NOS1: variants seen among roughly 807,000 people sequenced by gnomAD.
NOS1 encodes the protein nitric oxide synthase 1, also known as NOS type I.
NOS1 carries 51 observed loss-of-function variants against 164.5 expected under a neutral mutation model. The observed-to-expected ratio is 0.31, with a 90% CI of 0.25 to 0.39. The LOEUF (loss-of-function observed/expected upper bound fraction) is 0.39. NOS1 is among the 10% of genes least tolerant of loss of function. NOS1 has a pLI of 1.00. For missense variants in NOS1, 1,362 were observed against 1,885.6 expected, an observed-to-expected ratio of 0.72 and a Z score of 5.14; for synonymous variants, 719 against 745.8, an observed-to-expected ratio of 0.96 and a Z score of 0.59.
At chr12:117,344,320 A>G (rs1343719118) in intron 1 of NOS1, among the ~76,000 whole-genome samples, 1 of 152,264 alleles carries the variant, frequency 6.6e-6, no homozygotes, top group Non-Finnish European at 1.5e-5. Flanking sequence ...AACTATTCAC[A>G]CTGAGTACTT....
chr12:117,232,493 C>T (rs9658490), intron 21 of NOS1, among the ~76,000 whole-genome samples: 1 of 152,154 alleles, frequency 6.6e-6, no homozygotes, highest in South Asian at 2.1e-4. Flanking sequence ...CCTCTCACCC[C>T]CTGAATGGGA....
chr12:117,278,092 T>G lies in NOS1; in HGVS notation c.1531A>C (p.Ile511Leu). The change falls in exon 9 of 29, where the codon ATA becomes CTA. Residue 511 changes from isoleucine (I) to leucine (L), a missense_variant. Ile to Leu is a conservative substitution (Grantham distance 5). Transcript: ENST00000317775. ...CTAGGCGGTTTCCAGCCCTGCTGTA[T>G]GCATATCTGCAAGCAGACCCGGCCA... ...PANVQFTEIC[I>L]QQGWKPPRGR... is the part of the protein sequence containing the mutation. 1 of 1,612,304 alleles carries G rather than the reference T, an allele frequency of 6.2e-7. No homozygotes were observed. Among genetic ancestry groups the G allele is most frequent in the Non-Finnish European group, 8.5e-7 (1 of 1,179,002 alleles).
At chr12:117,264,021 A>C in intron 12 of NOS1, 47 bp from the exon 13 acceptor site, 1 of 1,493,886 alleles carries the variant, frequency 6.7e-7, no homozygotes. Flanking sequence ...CAGTGAGGGC[A>C]TCTGGTTCCT....
intron 3 of NOS1, among the ~76,000 whole-genome samples, chr12:117,305,790 C>CT (rs1298358667): frequency 0.037 from 5,228 of 139,422 alleles, 147 homozygotes; most frequent in East Asian, 0.16. Context: ...AGGCCCGTGA[C>CT]TTTTTTTTTT....
At chr12:117,299,635 C>T (rs1219660676) in intron 3 of NOS1, among the ~76,000 whole-genome samples, 1 of 89,300 alleles carries the variant, frequency 1.1e-5, no homozygotes, top group Non-Finnish European at 2.2e-5. Context: ...ACTTTGTCTC[C>T]AAAAAAAAAA....
At chr12:117,315,326 C>A (rs1874622670) in intron 2 of NOS1, among the ~76,000 whole-genome samples, 1 of 152,086 alleles carries the variant, frequency 6.6e-6, no homozygotes, top group Admixed American at 6.5e-5. Context: ...GCCTCAGCCT[C>A]CCTAGTAGCT....
intron 3 of NOS1, among the ~76,000 whole-genome samples, chr12:117,299,642 AAAAAAAAG>A (rs1292465673): frequency 6.9e-6 from 1 of 144,714 alleles, no homozygotes; most frequent in Non-Finnish European, 1.5e-5. Context: ...CTCCAAAAAA[AAAAAAAAG>A]AAAAAAAGAA....
intron 1 of NOS1, among the ~76,000 whole-genome samples, chr12:117,346,845 C>T (rs1421250938): frequency 6.6e-6 from 1 of 152,136 alleles, no homozygotes; most frequent in Non-Finnish European, 1.5e-5. Flanking sequence ...CTGTTCTGCA[C>T]AAAAAATGCT....
rs1869572752 is a variant in NOS1, at chr12:117,234,902, C to T, written c.3042-144G>A. On this transcript the variant is annotated intron_variant, in intron 20 of 28. Coordinates refer to ENST00000317775, the MANE Select transcript of NOS1 (RefSeq NM_000620.5). This position sits in a 1 kb window ranked among gnomAD's most constrained non-coding sequence, Gnocchi z 4.3. The stretch of plus-strand genomic sequence containing the variant: ...GTGCTAACCAAGCCTATGCCCCCAT[C>T]ATTCTATTATTATTATTATTATTAT... 2 of 512,886 alleles carry T rather than the reference C, an allele frequency of 3.9e-6. No homozygotes were observed. The highest frequency in any genetic ancestry group is 6.5e-6 in the Non-Finnish European group (2 of 305,968). The allele number at this position is 512,886 out of a possible 1,614,324, so 31.8% of individuals were successfully genotyped here.
At chr12:117,332,174 T>C (rs1027724031) in intron 1 of NOS1, among the ~76,000 whole-genome samples, 1 of 152,174 alleles carries the variant, frequency 6.6e-6, no homozygotes, top group Non-Finnish European at 1.5e-5. Context: ...ATAGGAACAT[T>C]GTAGGCACTC....
chr12:117,291,861 C>G (rs16947426), intron 3 of NOS1, among the ~76,000 whole-genome samples: 7,054 of 152,044 alleles, frequency 0.046, 543 homozygotes, highest in African/African-American at 0.16. Flanking sequence ...CTTGGATGCT[C>G]CTGGGTTATT....
In NOS1 at chr12:117,221,130, T is replaced by TTTTATTTATTTATTTATTTA. The variant is rs200373619; in HGVS notation, c.3976-881_3976-862dup. 4.5e-4 allele frequency among the ~76,000 whole-genome samples: 66 copies of TTTTATTTATTTATTTATTTA among 146,114 alleles called. 1 individual carries two copies. The highest frequency in any genetic ancestry group is 1.2e-3 in the African/African-American group (49 of 39,216). ...GCCTCTTATGGGCTGTTAAATTTAT[T>TTTTATTTATTTATTTATTTA]TTTATTTATTTATTTATTTATTTAT... On this transcript the variant is annotated intron_variant, in intron 26 of 28. Transcript: ENST00000317775.
rs1447107947 is a variant in NOS1 at position 117,211,145 on chromosome 12, G to C, written c.*4164C>G. ...CTAATTTTTGTATTTTCTTAGTAGA[G>C]TCAGGGTTTCTACTAACTGGCTGAC... On this transcript the variant is annotated 3_prime_UTR_variant, in exon 29 of 29. Transcript: ENST00000317775. 3.3e-5 allele frequency: 22 copies of C among 671,326 alleles called. No individual in the cohort carries two copies. Among genetic ancestry groups the C allele is most frequent in the Non-Finnish European group, 4.0e-5 (22 of 543,658 alleles). 41.6% of individuals were successfully genotyped at this position (671,326 alleles called of 1,614,324 possible).
At chr12:117,218,288 G>T in intron 27 of NOS1, 124 bp from the exon 28 acceptor site, 1 of 754,162 alleles carries the variant, frequency 1.3e-6, no homozygotes, top group Non-Finnish European at 2.3e-6. Context: ...AAGAGATGAG[G>T]CTGAAGCCAG....
At chr12:117,299,193 A>G (rs1426163858) in intron 3 of NOS1, among the ~76,000 whole-genome samples, 1 of 152,242 alleles carries the variant, frequency 6.6e-6, no homozygotes, top group Non-Finnish European at 1.5e-5. Context: ...AGACTCACAA[A>G]ACCAGAAGGT....
chr12:117,320,044 T>C (rs911390775), intron 2 of NOS1, among the ~76,000 whole-genome samples: 3 of 152,206 alleles, frequency 2.0e-5, no homozygotes, highest in African/African-American at 7.2e-5. Context: ...TCAGTGGACT[T>C]AGTCCAGTGA....
intron 22 of NOS1, among the ~76,000 whole-genome samples, chr12:117,228,790 A>AT (rs1004303093): frequency 2.0e-5 from 3 of 151,638 alleles, no homozygotes; most frequent in African/African-American, 4.8e-5. Flanking sequence ...TTTTAAATTT[A>AT]TTTTTTTTGA....
chr12:117,215,395 G>A, intron 28 of NOS1, 71 bp from the exon 29 acceptor site: 5 of 1,434,146 alleles, frequency 3.5e-6, no homozygotes, highest in Non-Finnish European at 4.6e-6. Flanking sequence ...GAGTGCCCCA[G>A]AGAAAATCAC....
rs536898403 is a variant in NOS1, at chr12:117,332,870, C to T, written c.-420-1381G>A. ...ACAGAGTGAAACTCTGTCTCCCCTG[C>T]CCCCCGCCAAAATCAAATTTATATT... On this transcript the variant is annotated intron_variant, in intron 1 of 28. Transcript: ENST00000317775. Among the ~76,000 whole-genome samples the T allele has an allele frequency of 2.6e-5, 4 of 152,208 alleles. No homozygotes were observed. The East Asian group carries it at 5.8e-4, about 22-fold the overall frequency.
Sources: gnomAD v4.1 joint callset for allele counts (sites outside exome capture counted in the v4.1 genomes callset) on GRCh38, gnomAD v4.1.1 for gene constraint, Gnocchi (gnomAD v3.1) non-coding constraint, MANE v1.5 for transcripts, NCBI Gene and HGNC (gene_info 2026-07-23, HGNC 2026-07-21) for gene names.